Variants in JAK1 observed in about 807,000 individuals in gnomAD.
JAK1 encodes the protein tyrosine-protein kinase JAK1.
A neutral mutation model predicts 136.6 loss-of-function variants in JAK1; 16 were observed. The observed-to-expected ratio is 0.12, with a 90% CI of 0.08 to 0.18. The LOEUF (loss-of-function observed/expected upper bound fraction) is 0.18. Among genes scored for constraint, JAK1 ranks in the 10% least tolerant of loss-of-function variants. The pLI is 1.00. For missense variants in JAK1, 859 were observed against 1,450.1 expected (o/e 0.59, Z 6.62); for synonymous variants, 492 against 519.5 (o/e 0.95, Z 0.72).
In JAK1 at chr1:64,996,206, T is replaced by C. The variant is rs1646702624; in HGVS notation, c.-78+48274A>G. 2.0e-5 allele frequency among the ~76,000 whole-genome samples: 3 copies of C among 152,202 alleles called. No individual in the cohort carries two copies. In the South Asian group the frequency reaches 6.2e-4, roughly 31 times the overall value. On this transcript the variant is annotated intron_variant, in intron 2 of 25. Transcript: ENST00000671954. ...ACATGCATTATCAACTCCTATCACA[T>C]CATCTTTTAAATACTTGATATCTGC...
intron 9 of JAK1, among the ~76,000 whole-genome samples, chr1:64,858,371 T>C (rs1419061490): frequency 6.6e-6 from 1 of 152,118 alleles, no homozygotes; most frequent in African/African-American, 2.4e-5. Context: ...TGCTAAGTGC[T>C]GGTGAGAGAG....
At position 64,895,667 on chromosome 1, in the gene JAK1, C is replaced by A. The variant is rs572802812; in HGVS notation, c.-77-9326G>T. Among the ~76,000 whole-genome samples the A allele has an allele frequency of 8.5e-5, 13 of 152,338 alleles. No individual in the cohort carries two copies. The East Asian group carries it at 2.3e-3, about 27-fold the overall frequency. On this transcript the variant is annotated intron_variant, in intron 1 of 24. Coordinates refer to ENST00000342505, the MANE Select transcript of JAK1 (RefSeq NM_002227.4). ...ACGCATATGCACAGTCTTCATTTCACAATAAGCTTCTCCTCCCAGAAAGCT... is the reference window on the plus strand; with the variant it reads ...ACGCATATGCACAGTCTTCATTTCAAAATAAGCTTCTCCTCCCAGAAAGCT...
chr1:65,054,693 G>A (rs1647449657), intron 1 of JAK1, among the ~76,000 whole-genome samples: 1 of 152,160 alleles, frequency 6.6e-6, no homozygotes, highest in South Asian at 2.1e-4. Flanking sequence ...CACCAGAAAA[G>A]ACATAAAGCC....
intron 2 of JAK1, among the ~76,000 whole-genome samples, chr1:65,011,759 A>T (rs535533880): frequency 6.6e-6 from 1 of 152,290 alleles, no homozygotes. Flanking sequence ...TTCCTGTTCT[A>T]GTGGATGGCA....
At position 64,963,710 on chromosome 1, in the gene JAK1, C is replaced by A. The variant is rs180894144; in HGVS notation, c.-78+2623G>T. Among the ~76,000 whole-genome samples the A allele has an allele frequency of 1.0e-3, 157 of 152,252 alleles. 1 individual carries two copies. The highest frequency in any genetic ancestry group is 3.6e-3 in the African/African-American group (148 of 41,544). The stretch of plus-strand genomic sequence containing the variant: ...AGATGACCAGGGAGAATATTTTTAT[C>A]TCCATTTTGCAAATGAAGAAAAGAG... On this transcript the variant is annotated intron_variant, in intron 1 of 24. Coordinates refer to ENST00000342505, the MANE Select transcript of JAK1 (RefSeq NM_002227.4).
intron 1 of JAK1, among the ~76,000 whole-genome samples, chr1:64,958,989 G>T (rs1646237888): frequency 1.3e-5 from 2 of 152,174 alleles, no homozygotes; most frequent in African/African-American, 4.8e-5. Flanking sequence ...ATACCTACAG[G>T]TCAGCCTTTT....
At chr1:64,882,693 G>C (rs1644791953) in intron 3 of JAK1, among the ~76,000 whole-genome samples, 1 of 152,056 alleles carries the variant, frequency 6.6e-6, no homozygotes, top group African/African-American at 2.4e-5. Context: ...ACTCTCACTT[G>C]AAAGGAGAAA....
At chr1:64,921,670 A>C (rs1405339308) in intron 1 of JAK1, among the ~76,000 whole-genome samples, 4 of 152,124 alleles carry the variant, frequency 2.6e-5, no homozygotes, top group African/African-American at 9.7e-5. Flanking sequence ...TGTGTAACCT[A>C]GGGATAAGAA....
At position 64,833,379 on chromosome 1, in the gene JAK1, C is replaced by T; in HGVS notation, c.*1183G>A. 1 of 232,758 alleles carries T rather than the reference C, an allele frequency of 4.3e-6. No individual in the cohort carries two copies. The highest frequency in any genetic ancestry group is 2.2e-5 in the African/African-American group (1 of 45,388). The allele number at this position is 232,758 out of a possible 1,614,324, so 14.4% of individuals were successfully genotyped here. A position where few individuals can be genotyped will look rare whatever the true frequency, so the allele number is the denominator to read the frequency against. ...CCACTGAACCAATCCTGAATTTGGG[C>T]TCAACAGGTGAAAAGTAACAATATC... On this transcript the variant is annotated 3_prime_UTR_variant, in exon 25 of 25. Coordinates refer to ENST00000342505, the MANE Select transcript of JAK1 (RefSeq NM_002227.4).
rs113376809 is a variant in JAK1, at chr1:64,980,843, C to G, written c.-78+63637G>C. Among the ~76,000 whole-genome samples the G allele has an allele frequency of 6.5e-3, 990 of 151,908 alleles. 13 individuals are homozygous for G. Among genetic ancestry groups the G allele is most frequent in the African/African-American group, 0.022 (902 of 41,402 alleles). On this transcript the variant is annotated intron_variant, in intron 2 of 25. Coordinates refer to the JAK1 transcript ENST00000671954. ...TGCGGTGTTTGGTTTTTTGTCCTTG[C>G]GATAGTTTGCTGAGAATGATGGTTT...
At chr1:64,848,562 T>A (rs906533988) in intron 12 of JAK1, among the ~76,000 whole-genome samples, 92 of 152,276 alleles carry the variant, frequency 6.0e-4, no homozygotes, top group African/African-American at 2.2e-3. Context: ...GAGGACTGAA[T>A]GAGATGATCC....
At chr1:64,946,055 C>A (rs1375897682) in intron 1 of JAK1, among the ~76,000 whole-genome samples, 1 of 152,070 alleles carries the variant, frequency 6.6e-6, no homozygotes, top group African/African-American at 2.4e-5. Flanking sequence ...CTTTCTGAAC[C>A]ATGTCAATAC....
intron 8 of JAK1, among the ~76,000 whole-genome samples, chr1:64,861,907 G>C (rs1432967646): frequency 6.6e-6 from 1 of 152,178 alleles, no homozygotes; most frequent in Non-Finnish European, 1.5e-5. Context: ...TGAACAAGGG[G>C]CAGGCTGGCC....
Position 65,012,158 on chromosome 1 carries a change from G to A in JAK1, c.-78+32322C>T, listed in dbSNP as rs116143234. ...AAGTGACCCCACAGCAAAGTGGAGA[G>A]GAAGTTGTTGAACAGAAGCTGTGGC... On this transcript the variant is annotated intron_variant, in intron 2 of 25. Transcript: ENST00000671954. Among the ~76,000 whole-genome samples the A allele has an allele frequency of 8.4e-3, 1,279 of 152,292 alleles. 13 individuals are homozygous for A. The highest frequency in any genetic ancestry group is 0.029 in the African/African-American group (1,212 of 41,552).
chr1:64,937,497 G>C (rs1645810498), intron 1 of JAK1, among the ~76,000 whole-genome samples: 1 of 152,166 alleles, frequency 6.6e-6, no homozygotes, highest in African/African-American at 2.4e-5. Context: ...TAAATTGAAA[G>C]CCTTTCTAGA....
chr1:64,940,684 C>T (rs541264533), intron 1 of JAK1, among the ~76,000 whole-genome samples: 1 of 152,172 alleles, frequency 6.6e-6, no homozygotes, highest in East Asian at 1.9e-4. Context: ...AGGCAAGAGT[C>T]AGTAGGTGGT....
chr1:64,864,695 G>T lies in JAK1; in HGVS notation c.1176+92C>A, dbSNP rs909904006. The T allele has an allele frequency of 2.9e-6, 3 of 1,038,172 alleles. No individual in the cohort carries two copies. The African/African-American group carries it at 4.8e-5, about 17-fold the overall frequency. The allele number at this position is 1,038,172 out of a possible 1,614,324, so 64.3% of individuals were successfully genotyped here. On this transcript the variant is annotated intron_variant, in intron 8 of 24. Transcript: ENST00000342505. ...AAATCCTGTTTTCTCTTTAGGACAG[G>T]AACTCTGAAAATCATGTGCTGCAGA...
At chr1:65,037,623 T>C (rs1462298846) in intron 2 of JAK1, among the ~76,000 whole-genome samples, 2 of 152,170 alleles carry the variant, frequency 1.3e-5, no homozygotes, top group Non-Finnish European at 2.9e-5. Context: ...ATAAAGTAAC[T>C]GTACCCAGGT....
intron 2 of JAK1, among the ~76,000 whole-genome samples, chr1:65,007,127 G>C (rs1646809825): frequency 6.6e-6 from 1 of 152,160 alleles, no homozygotes; most frequent in Admixed American, 6.6e-5. Context: ...AGCGCTTAAA[G>C]GAAGACACAA....
Sources: allele counts gnomAD v4.1 joint callset (sites outside exome capture counted in the v4.1 genomes callset), GRCh38; gene constraint gnomAD v4.1.1; transcripts MANE v1.5; gene names NCBI Gene and HGNC (gene_info 2026-07-23, HGNC 2026-07-21).